Variants in GALNT13 observed in about 807,000 individuals in gnomAD.
GALNT13 encodes polypeptide N-acetylgalactosaminyltransferase 13, also known as UDP-GalNAc:polypeptide N-acetylgalactosaminyltransferase 13.
In GALNT13, 28 loss-of-function variants were observed where a neutral mutation model predicts 64.2. The ratio of observed to expected loss-of-function variants is 0.44; its 90% CI spans 0.32 to 0.60. The LOEUF (loss-of-function observed/expected upper bound fraction) is 0.60, where lower values mean the gene tolerates loss of function less well. GALNT13 is among the 20% of genes least tolerant of loss of function. GALNT13 has a pLI of 0.05. For missense variants in GALNT13, 577 were observed against 669.8 expected (o/e 0.86, Z 1.53); for synonymous variants, 214 against 224.6 (o/e 0.95, Z 0.42).
At chr2:154,217,348 G>A (rs1310201869) in intron 4 of GALNT13, among the ~76,000 whole-genome samples, 3 of 152,052 alleles carry the variant, frequency 2.0e-5, no homozygotes, top group Admixed American at 6.6e-5. Flanking sequence ...TTCTGGAGGG[G>A]ACTACATCTG....
intron 12 of GALNT13, among the ~76,000 whole-genome samples, chr2:154,439,610 A>G (rs1384697737): frequency 2.0e-5 from 3 of 152,198 alleles, no homozygotes; most frequent in African/African-American, 7.2e-5. Context: ...TACAAGAATA[A>G]CATTTTAAAA....
chr2:154,318,209 T>C (rs1364730326), intron 9 of GALNT13, among the ~76,000 whole-genome samples: 2 of 152,184 alleles, frequency 1.3e-5, no homozygotes, highest in Non-Finnish European at 1.5e-5. Context: ...GAAGTCAAGT[T>C]CTAAATGGAA....
At chr2:153,775,000 A>G in the GALNT13 span, among the ~76,000 whole-genome samples, 27 of 152,340 alleles carry the variant, frequency 1.8e-4, no homozygotes, top group South Asian at 3.1e-3. Context: ...AGTAGAAAAC[A>G]TCCCAATCAT....
At chr2:153,822,909 C>T in the GALNT13 span, among the ~76,000 whole-genome samples, 1 of 152,066 alleles carries the variant, frequency 6.6e-6, no homozygotes, top group South Asian at 2.1e-4. Context: ...AACTGATGAA[C>T]AACTTCAGTA....
the GALNT13 span, among the ~76,000 whole-genome samples, chr2:153,306,435 A>G: frequency 4.6e-3 from 697 of 152,348 alleles, 7 homozygotes; most frequent in African/African-American, 0.016. Flanking sequence ...TTTTAATCAT[A>G]TGACAACTAG....
chr2:154,094,381 A>G (rs149032044), intron 3 of GALNT13, among the ~76,000 whole-genome samples: 4 of 152,056 alleles, frequency 2.6e-5, no homozygotes, highest in African/African-American at 9.6e-5. Context: ...ATTCTCGTCT[A>G]TCCTTTATTA....
chr2:153,770,319 T>C, the GALNT13 span, among the ~76,000 whole-genome samples: 2 of 152,168 alleles, frequency 1.3e-5, no homozygotes, highest in Non-Finnish European at 2.9e-5. Context: ...GACTTTGGTC[T>C]GGTTGCTTTC....
At chr2:153,915,886 A>G (rs1689301759) in intron 2 of GALNT13, among the ~76,000 whole-genome samples, 1 of 152,116 alleles carries the variant, frequency 6.6e-6, no homozygotes, top group Non-Finnish European at 1.5e-5. Flanking sequence ...ACTCTTTCTT[A>G]TATTTTCTAC....
chr2:153,752,706 T>G, the GALNT13 span, among the ~76,000 whole-genome samples: 1 of 152,164 alleles, frequency 6.6e-6, no homozygotes, highest in African/African-American at 2.4e-5. Context: ...GTTTGATTAT[T>G]AAATACTTTC....
chr2:154,130,358 C>A (rs899467245), intron 3 of GALNT13, among the ~76,000 whole-genome samples: 2 of 152,166 alleles, frequency 1.3e-5, no homozygotes, highest in Non-Finnish European at 2.9e-5. Flanking sequence ...GGAGATGGTG[C>A]AGTCAGGCCT....
At chr2:153,267,731 G>A in the GALNT13 span, among the ~76,000 whole-genome samples, 1 of 152,188 alleles carries the variant, frequency 6.6e-6, no homozygotes, top group Non-Finnish European at 1.5e-5. Context: ...CATTGCCTTG[G>A]CTATTAACAT....
chr2:153,523,628 G>GAGGGGA, the GALNT13 span, among the ~76,000 whole-genome samples: 2 of 152,162 alleles, frequency 1.3e-5, no homozygotes, highest in Admixed American at 1.3e-4. Context: ...ATTGCTGGTA[G>GAGGGGA]AGGGGAACGT....
At chr2:154,208,063 C>G (rs1373604029) in intron 4 of GALNT13, among the ~76,000 whole-genome samples, 1 of 152,006 alleles carries the variant, frequency 6.6e-6, no homozygotes, top group Non-Finnish European at 1.5e-5. Context: ...AGGATGTTAT[C>G]AATTTTTCAT....
chr2:153,410,354 C>G, the GALNT13 span, among the ~76,000 whole-genome samples: 1 of 152,026 alleles, frequency 6.6e-6, no homozygotes, highest in Non-Finnish European at 1.5e-5. Flanking sequence ...CCTGTGCTTC[C>G]CAAAATGCTG....
At chr2:153,289,693 T>A in the GALNT13 span, among the ~76,000 whole-genome samples, 1 of 152,180 alleles carries the variant, frequency 6.6e-6, no homozygotes, top group African/African-American at 2.4e-5. Context: ...ATACAGACTA[T>A]AGTATCTCAG....
At chr2:153,939,733 A>C (rs2105374607) in intron 2 of GALNT13, among the ~76,000 whole-genome samples, 1 of 152,290 alleles carries the variant, frequency 6.6e-6, no homozygotes, top group East Asian at 1.9e-4. Flanking sequence ...TGATAACAAT[A>C]TGTGTTACTA....
chr2:154,163,599 C>G (rs2105674324), intron 4 of GALNT13, among the ~76,000 whole-genome samples: 1 of 152,284 alleles, frequency 6.6e-6, no homozygotes, highest in Middle Eastern at 3.4e-3. Context: ...ATTTGGCCTA[C>G]AGTAGCGAGG....
chr2:153,845,198 C>T, the GALNT13 span, among the ~76,000 whole-genome samples: 1 of 152,060 alleles, frequency 6.6e-6, no homozygotes, highest in South Asian at 2.1e-4. Flanking sequence ...TCTTGCATTG[C>T]TATAAAGAAA....
chr2:153,993,040 G>T (rs745644041), intron 3 of GALNT13, among the ~76,000 whole-genome samples: 1 of 152,026 alleles, frequency 6.6e-6, no homozygotes, highest in Non-Finnish European at 1.5e-5. Context: ...TATTTGATTA[G>T]GAAAGGTTAG....
Sources: allele counts gnomAD v4.1 joint callset (sites outside exome capture counted in the v4.1 genomes callset), GRCh38; gene constraint gnomAD v4.1.1; transcripts MANE v1.5; gene names NCBI Gene and HGNC (gene_info 2026-07-23, HGNC 2026-07-21).